Variants in XYLT1 observed in about 807,000 individuals in gnomAD.
XYLT1 encodes the protein xylosyltransferase 1, also known as beta-D-xylosyltransferase 1.
A neutral mutation model predicts 91.3 loss-of-function variants in XYLT1; 36 were observed. The ratio of observed to expected loss-of-function variants is 0.39; its 90% CI spans 0.30 to 0.52. The LOEUF (loss-of-function observed/expected upper bound fraction) is 0.52. Among genes scored for constraint, XYLT1 ranks in the 20% least tolerant of loss-of-function variants. The pLI, the probability that XYLT1 is intolerant of heterozygous loss-of-function variation, is 0.68. For synonymous variants in XYLT1, 588 were observed against 532.0 expected (o/e 1.11, Z -1.45); for missense variants, 1,242 against 1,284.5 (o/e 0.97, Z 0.51).
At chr16:17,275,525 G>A (rs2033961078) in intron 2 of XYLT1, among the ~76,000 whole-genome samples, 1 of 152,150 alleles carries the variant, frequency 6.6e-6, no homozygotes, top group African/African-American at 2.4e-5. Context: ...CTGGGTTCCT[G>A]GTGTAAAGTC....
intron 1 of XYLT1, 80 bp from the exon 2 acceptor site, chr16:17,358,130 C>T (rs1202347380): frequency 1.9e-3 from 2,155 of 1,117,796 alleles, no homozygotes; most frequent in Middle Eastern, 3.2e-3. Flanking sequence ...TCTTTCTTTC[C>T]TTTTTTTTTT....
At chr16:17,394,080 A>AT (rs910717790) in intron 1 of XYLT1, among the ~76,000 whole-genome samples, 2 of 151,634 alleles carry the variant, frequency 1.3e-5, no homozygotes, top group African/African-American at 4.8e-5. Flanking sequence ...CGGCCAATTG[A>AT]TTTTTTTTTA....
chr16:17,321,698 G>T (rs2034724585), intron 2 of XYLT1, among the ~76,000 whole-genome samples: 1 of 152,046 alleles, frequency 6.6e-6, no homozygotes, highest in South Asian at 2.1e-4. Flanking sequence ...CTCAATCGGG[G>T]GCAATTTTGC....
intron 11 of XYLT1, among the ~76,000 whole-genome samples, chr16:17,114,504 T>G: frequency 1.3e-5 from 2 of 152,308 alleles, no homozygotes; most frequent in East Asian, 3.9e-4. Context: ...AATTTCCCCA[T>G]GTATTTTGCT....
intron 1 of XYLT1, among the ~76,000 whole-genome samples, chr16:17,423,098 G>A (rs193046062): frequency 1.3e-5 from 2 of 152,216 alleles, no homozygotes; most frequent in East Asian, 1.9e-4. Flanking sequence ...TGTGATTATC[G>A]TTGCCAGAGG....
rs140946727 is a variant in XYLT1 at position 17,104,305 on chromosome 16, C to T, written c.*4390G>A. On this transcript the variant is annotated 3_prime_UTR_variant, in exon 12 of 12. Transcript: ENST00000261381. ...TTTGATGGAGTCCCACAAGCTGTAG[C>T]CCCAGGCAGATGTGGACCTCTGCAT... 1 of 152,478 alleles carries T rather than the reference C, an allele frequency of 6.6e-6. No homozygotes were observed. The highest frequency in any genetic ancestry group is 2.4e-5 in the African/African-American group (1 of 41,576). 9.4% of individuals were successfully genotyped at this position (152,478 alleles called of 1,614,324 possible).
intron 1 of XYLT1, among the ~76,000 whole-genome samples, chr16:17,464,937 G>A (rs1294541251): frequency 6.6e-6 from 1 of 151,848 alleles, no homozygotes; most frequent in Non-Finnish European, 1.5e-5. Context: ...ACGAGGCCAG[G>A]AGTTCGAGAG....
At chr16:17,259,811 G>T (rs763663333) in intron 2 of XYLT1, among the ~76,000 whole-genome samples, 4 of 152,024 alleles carry the variant, frequency 2.6e-5, no homozygotes, top group Non-Finnish European at 4.4e-5. Flanking sequence ...TTTGCCACTG[G>T]GTAACAAACA....
chr16:17,311,685 G>A (rs2034552344), intron 2 of XYLT1, among the ~76,000 whole-genome samples: 1 of 152,160 alleles, frequency 6.6e-6, no homozygotes. Context: ...CCCCTTGTGT[G>A]TATTAGTCTG....
At chr16:17,152,385 A>G (rs1195570211) in intron 6 of XYLT1, among the ~76,000 whole-genome samples, 1 of 152,264 alleles carries the variant, frequency 6.6e-6, no homozygotes, top group African/African-American at 2.4e-5. Context: ...GCAAACAGTC[A>G]TGAACGCATC....
Position 17,109,015 on chromosome 16 carries a change from C to T in XYLT1, c.2560G>A (p.Glu854Lys), listed in dbSNP as rs769391314. The T allele has an allele frequency of 6.6e-7, 1 of 1,505,814 alleles. No individual in the cohort carries two copies. Among genetic ancestry groups the T allele is most frequent in the Admixed American group, 2.1e-5 (1 of 48,158 alleles). The allele number at this position is 1,505,814 out of a possible 1,614,324, so 93.3% of individuals were successfully genotyped here. A position where few individuals can be genotyped will look rare whatever the true frequency, so the allele number is the denominator to read the frequency against. Residue 854 changes from glutamate to lysine, a missense_variant and splice_region_variant, in exon 12 of 12, where the codon GAG (glutamate) becomes AAG (lysine). Coordinates refer to ENST00000261381, the MANE Select transcript of XYLT1 (RefSeq NM_022166.4). The stretch of plus-strand genomic sequence containing the variant: ...GGCCCATTGTGCAGCTTCAGTGCCT[C>T]CTCTGAAAGCCAAAGGGAACAATTT... ...FSNRQPIKPE[E>K]ALKLHNGPLR...
At chr16:17,199,748 G>T (rs2032498322) in intron 4 of XYLT1, among the ~76,000 whole-genome samples, 1 of 152,122 alleles carries the variant, frequency 6.6e-6, no homozygotes, top group Non-Finnish European at 1.5e-5. Flanking sequence ...CTTCCACCAG[G>T]ATTGTGAGGC....
intron 1 of XYLT1, among the ~76,000 whole-genome samples, chr16:17,443,751 GGACATTA>G (rs2141943781): frequency 6.6e-6 from 1 of 152,170 alleles, no homozygotes; most frequent in Admixed American, 6.5e-5. Flanking sequence ...AGCAGGAGTG[GGACATTA>G]TATAAATACA....
intron 2 of XYLT1, chr16:17,338,149 A>G (rs747852209): frequency 1.1e-5 from 5 of 455,644 alleles, no homozygotes; most frequent in African/African-American, 4.0e-5. Context: ...GGCCTTTATC[A>G]TAACTCCCCT....
intron 2 of XYLT1, among the ~76,000 whole-genome samples, chr16:17,356,142 C>G (rs1397409035): frequency 1.3e-5 from 2 of 152,126 alleles, no homozygotes; most frequent in African/African-American, 4.8e-5. Flanking sequence ...CACCAAATGT[C>G]TTCAGACGTT....
At chr16:17,338,869 C>G (rs772312503) in intron 2 of XYLT1, among the ~76,000 whole-genome samples, 1 of 152,166 alleles carries the variant, frequency 6.6e-6, no homozygotes, top group South Asian at 2.1e-4. Flanking sequence ...ATCATTCACC[C>G]GTTAAGGTCA....
intron 1 of XYLT1, among the ~76,000 whole-genome samples, chr16:17,402,239 G>T (rs182524852): frequency 2.6e-5 from 4 of 151,982 alleles, no homozygotes; most frequent in Non-Finnish European, 5.9e-5. Context: ...AGGGTCCCTT[G>T]AGCCGGTGAG....
intron 2 of XYLT1, among the ~76,000 whole-genome samples, chr16:17,282,455 A>C (rs2034072252): frequency 6.6e-6 from 1 of 152,222 alleles, no homozygotes; most frequent in South Asian, 2.1e-4. Flanking sequence ...CCACATACTA[A>C]AATAACAACA....
At chr16:17,317,223 C>A (rs1389794134) in intron 2 of XYLT1, among the ~76,000 whole-genome samples, 4 of 152,190 alleles carry the variant, frequency 2.6e-5, no homozygotes, top group Non-Finnish European at 5.9e-5. Flanking sequence ...GGTTCCTTGA[C>A]TGTAACTTCT....
Sources: gnomAD v4.1 joint callset for allele counts (sites outside exome capture counted in the v4.1 genomes callset) on GRCh38, gnomAD v4.1.1 for gene constraint, MANE v1.5 for transcripts, NCBI Gene and HGNC (gene_info 2026-07-23, HGNC 2026-07-21) for gene names.